ZNRF1: variants seen among roughly 807,000 people sequenced by gnomAD.
The protein encoded by ZNRF1 is zinc and ring finger 1, also known as E3 ubiquitin-protein ligase ZNRF1.
Under a neutral mutation model 18.4 loss-of-function variants are expected in ZNRF1, and 3 were observed. The observed-to-expected ratio is 0.16, with a 90% CI of 0.07 to 0.42. The LOEUF (loss-of-function observed/expected upper bound fraction) is 0.42. ZNRF1 is among the 10% of genes least tolerant of loss of function. The pLI is 0.99. For synonymous variants in ZNRF1, 157 were observed against 144.2 expected (o/e 1.09, Z -0.64); for missense variants, 310 against 329.8 (o/e 0.94, Z 0.47).
At chr16:75,009,631 C>A (rs966617573) in intron 1 of ZNRF1, among the ~76,000 whole-genome samples, 1 of 152,156 alleles carries the variant, frequency 6.6e-6, no homozygotes, top group Non-Finnish European at 1.5e-5. Flanking sequence ...ACCCTGCTTT[C>A]ACTCCTTTTG....
intron 1 of ZNRF1, among the ~76,000 whole-genome samples, chr16:75,006,738 C>G (rs2034923399): frequency 6.6e-6 from 1 of 152,156 alleles, no homozygotes; most frequent in Non-Finnish European, 1.5e-5. Context: ...GCCTGGCCAC[C>G]TCAGTCTTTT....
intron 1 of ZNRF1, among the ~76,000 whole-genome samples, chr16:75,006,909 C>T (rs1010948577): frequency 1.3e-5 from 2 of 152,168 alleles, no homozygotes; most frequent in Non-Finnish European, 2.9e-5. Context: ...ATCTTAGGTT[C>T]TCACTAGAAC....
At chr16:75,009,730 C>G in intron 1 of ZNRF1, among the ~76,000 whole-genome samples, 1 of 151,856 alleles carries the variant, frequency 6.6e-6, no homozygotes, top group East Asian at 1.9e-4. Context: ...TCCACAGTAG[C>G]TGCACCATTT....
chr16:75,007,546 C>T (rs930424004), intron 1 of ZNRF1, among the ~76,000 whole-genome samples: 1 of 152,120 alleles, frequency 6.6e-6, no homozygotes, highest in Non-Finnish European at 1.5e-5. Context: ...ATAGTGACCT[C>T]TTGGATCTGT....
chr16:75,029,208 G>A (rs546152069), intron 1 of ZNRF1, among the ~76,000 whole-genome samples: 3 of 151,664 alleles, frequency 2.0e-5, no homozygotes, highest in South Asian at 2.1e-4. Context: ...GTGCAGTGGC[G>A]CCATCTCAGC....
At chr16:75,087,749 C>G (rs899393822) in intron 1 of ZNRF1, among the ~76,000 whole-genome samples, 7 of 152,248 alleles carry the variant, frequency 4.6e-5, no homozygotes, top group African/African-American at 1.2e-4. Flanking sequence ...CTGCCTCTGT[C>G]TGGTGGGAGG....
chr16:75,100,764 C>G (rs1358095111), intron 2 of ZNRF1, among the ~76,000 whole-genome samples: 1 of 152,182 alleles, frequency 6.6e-6, no homozygotes, highest in Non-Finnish European at 1.5e-5. Flanking sequence ...AGGGCTATAG[C>G]CCATACGCTC....
intron 2 of ZNRF1, among the ~76,000 whole-genome samples, chr16:75,096,353 G>T (rs1476633263): frequency 2.6e-5 from 4 of 152,108 alleles, no homozygotes; most frequent in Non-Finnish European, 4.4e-5. Context: ...GCTTCCGGGG[G>T]TGTATGTGGA....
intron 2 of ZNRF1, among the ~76,000 whole-genome samples, chr16:75,098,422 T>C (rs1001707914): frequency 3.3e-5 from 5 of 152,062 alleles, no homozygotes; most frequent in Non-Finnish European, 7.4e-5. Context: ...CCAAAACAAT[T>C]GCATTGCACT....
intron 1 of ZNRF1, chr16:75,084,333 T>G (rs558828967): frequency 6.6e-6 from 1 of 152,170 alleles, no homozygotes; most frequent in African/African-American, 2.4e-5. Context: ...AGAAGAAAAT[T>G]TCTCTAAAGA....
chr16:75,044,720 G>A (rs1433740552), intron 1 of ZNRF1, among the ~76,000 whole-genome samples: 5 of 152,052 alleles, frequency 3.3e-5, no homozygotes, highest in Non-Finnish European at 5.9e-5. Context: ...ATTTCACAAG[G>A]CAGTATGGCC....
rs534648510 is a variant in ZNRF1 at position 75,107,178 on chromosome 16, G to A, written c.*33-555G>A. ...ACTCCACACATCCCCCTGGCTTACC[G>A]CTGGGTCTGGCCTCCCCATTTCTCC... On this transcript the variant is annotated intron_variant, in intron 4 of 4. Coordinates refer to ENST00000335325, the MANE Select transcript of ZNRF1 (RefSeq NM_032268.5). 16 of 170,624 alleles carry A rather than the reference G, an allele frequency of 9.4e-5. No homozygotes were observed. In the South Asian group the frequency reaches 1.9e-3, roughly 20 times the overall value. 10.6% of individuals were successfully genotyped at this position (170,624 alleles called of 1,614,324 possible). A position where few individuals can be genotyped will look rare whatever the true frequency, so the allele number is the denominator to read the frequency against.
intron 2 of ZNRF1, among the ~76,000 whole-genome samples, chr16:75,099,846 A>G (rs570672057): frequency 5.7e-4 from 87 of 152,306 alleles, no homozygotes; most frequent in African/African-American, 2.1e-3. Flanking sequence ...TGTAGGAACC[A>G]GTTGATAGGC....
chr16:75,066,190 C>T (rs2035801571), intron 1 of ZNRF1, among the ~76,000 whole-genome samples: 1 of 152,140 alleles, frequency 6.6e-6, no homozygotes, highest in Non-Finnish European at 1.5e-5. Context: ...TGTTTAATCA[C>T]AAATGAAAAA....
intron 1 of ZNRF1, among the ~76,000 whole-genome samples, chr16:75,082,666 GC>G (rs1282911542): frequency 1.3e-5 from 2 of 152,280 alleles, no homozygotes; most frequent in South Asian, 4.1e-4. Flanking sequence ...CCATCCTCCT[GC>G]CTCAGCCTCC....
chr16:75,013,351 T>TG (rs2035024431), intron 1 of ZNRF1, among the ~76,000 whole-genome samples: 1 of 149,758 alleles, frequency 6.7e-6, no homozygotes, highest in South Asian at 2.1e-4. Context: ...TCCATTCAAT[T>TG]TTTTTTTTTT....
intron 2 of ZNRF1, among the ~76,000 whole-genome samples, chr16:75,100,535 A>T (rs1000045619): frequency 2.0e-5 from 3 of 152,138 alleles, no homozygotes; most frequent in South Asian, 4.1e-4. Flanking sequence ...GGGAGACCAC[A>T]TGTGCCCTCC....
At chr16:75,065,468 C>G (rs1189235404) in intron 1 of ZNRF1, among the ~76,000 whole-genome samples, 1 of 152,110 alleles carries the variant, frequency 6.6e-6, no homozygotes, top group Non-Finnish European at 1.5e-5. Flanking sequence ...TAGCTGAGAT[C>G]CAGGGATAAT....
At chr16:75,006,510 A>G (rs2034919641) in intron 1 of ZNRF1, among the ~76,000 whole-genome samples, 1 of 152,184 alleles carries the variant, frequency 6.6e-6, no homozygotes, top group African/African-American at 2.4e-5. Context: ...ATCTGAGCTC[A>G]CTGCAACGTC....
Sources: allele counts gnomAD v4.1 joint callset (sites outside exome capture counted in the v4.1 genomes callset), GRCh38; gene constraint gnomAD v4.1.1; transcripts MANE v1.5; gene names NCBI Gene and HGNC (gene_info 2026-07-23, HGNC 2026-07-21).